The following WDR72 variants were observed in gnomAD, a reference collection of about 807,000 sequenced individuals.
The protein encoded by WDR72 is WD repeat domain 72.
Under a neutral mutation model 124.2 loss-of-function variants are expected in WDR72, and 120 were observed. The ratio of observed to expected loss-of-function variants is 0.97; its 90% confidence interval spans 0.83 to 1.12. The LOEUF (loss-of-function observed/expected upper bound fraction) is 1.12. WDR72 is among the 50% of genes most tolerant of loss of function. The pLI, the probability that WDR72 is intolerant of heterozygous loss-of-function variation, is 0.00. For missense variants in WDR72, 1,387 were observed against 1,278.8 expected, an observed-to-expected ratio of 1.08 and a Z score of -1.29; for synonymous variants, 452 against 441.7, an observed-to-expected ratio of 1.02 and a Z score of -0.29.
At chr15:53,580,314 T>G (rs1205433520) in intron 18 of WDR72, among the ~76,000 whole-genome samples, 1 of 152,074 alleles carries the variant, frequency 6.6e-6, no homozygotes, top group Non-Finnish European at 1.5e-5. Flanking sequence ...ATTAAGCACT[T>G]TCATATCTTC....
At chr15:53,718,826 A>G (rs903312569) in intron 3 of WDR72, among the ~76,000 whole-genome samples, 3 of 139,154 alleles carry the variant, frequency 2.2e-5, no homozygotes, top group African/African-American at 7.9e-5. Context: ...ATTTTTAAAA[A>G]TTTTAAAAAT....
In WDR72 at chr15:53,758,519, A is replaced by G. The variant is rs758752730; in HGVS notation, c.-13+1114T>C. ...AATATTGAAGGAGTTAAAAAAAGACAAAGGAACAAGTGATGTTTACAAAAA... is the reference window on the plus strand; with the variant it reads ...AATATTGAAGGAGTTAAAAAAAGACGAAGGAACAAGTGATGTTTACAAAAA... On this transcript the variant is annotated intron_variant, in intron 1 of 19. Coordinates refer to ENST00000360509, the MANE Select transcript of WDR72 (RefSeq NM_182758.4). Among the ~76,000 whole-genome samples the G allele has an allele frequency of 9.2e-4, 140 of 152,052 alleles. 1 individual carries two copies. Among genetic ancestry groups the G allele is most frequent in the Non-Finnish European group, 1.9e-4 (13 of 68,012 alleles).
intron 19 of WDR72, among the ~76,000 whole-genome samples, chr15:53,521,379 G>A (rs1440278528): frequency 6.6e-6 from 1 of 152,052 alleles, no homozygotes; most frequent in Non-Finnish European, 1.5e-5. Flanking sequence ...ATTCTCAGTG[G>A]AAGGCAGTGA....
At chr15:53,725,176 T>C (rs2017985675) in intron 2 of WDR72, among the ~76,000 whole-genome samples, 1 of 151,978 alleles carries the variant, frequency 6.6e-6, no homozygotes, top group Admixed American at 6.6e-5. Context: ...AAAGAAAACA[T>C]ACAGATGGCA....
chr15:53,709,353 G>T (rs142555670), intron 9 of WDR72, among the ~76,000 whole-genome samples: 1 of 152,270 alleles, frequency 6.6e-6, no homozygotes, highest in East Asian at 1.9e-4. Flanking sequence ...AACATCTATG[G>T]TTGTTTAAAC....
chr15:53,566,695 A>G (rs1894308788), intron 18 of WDR72, among the ~76,000 whole-genome samples: 1 of 151,984 alleles, frequency 6.6e-6, no homozygotes, highest in South Asian at 2.1e-4. Context: ...ACTAAGAGAT[A>G]AGAAGACAGG....
chr15:53,595,766 ATGT>A (rs1274504068), intron 18 of WDR72, among the ~76,000 whole-genome samples: 1 of 152,188 alleles, frequency 6.6e-6, no homozygotes, highest in African/African-American at 2.4e-5. Context: ...TGCTTAAAAT[ATGT>A]AATACAACTA....
intron 18 of WDR72, among the ~76,000 whole-genome samples, chr15:53,579,505 T>C (rs899522457): frequency 2.0e-5 from 3 of 152,110 alleles, no homozygotes; most frequent in African/African-American, 7.2e-5. Context: ...AACATTAATC[T>C]GGACTGGCAA....
chr15:53,554,825 C>T (rs1595757453), intron 18 of WDR72, among the ~76,000 whole-genome samples: 2 of 152,036 alleles, frequency 1.3e-5, no homozygotes, highest in Admixed American at 1.3e-4. Flanking sequence ...TACAAACTCA[C>T]GTAGAATATA....
intron 18 of WDR72, among the ~76,000 whole-genome samples, chr15:53,529,240 G>A (rs1030369591): frequency 2.0e-5 from 3 of 147,848 alleles, no homozygotes; most frequent in African/African-American, 7.5e-5. Context: ...GAGAGGGAAT[G>A]TGTTGTATTG....
chr15:53,601,438 G>A (rs2013041062), intron 17 of WDR72, among the ~76,000 whole-genome samples: 1 of 152,010 alleles, frequency 6.6e-6, no homozygotes, highest in South Asian at 2.1e-4. Flanking sequence ...ACACTGTAAG[G>A]CAACCACATA....
Position 53,745,449 on chromosome 15 carries a change from C to A in WDR72, c.-12-12288G>T, listed in dbSNP as rs554062227. Among the ~76,000 whole-genome samples, 3 of 152,182 alleles carry A rather than the reference C, an allele frequency of 2.0e-5. No homozygotes were observed. In the East Asian group the frequency reaches 5.8e-4, roughly 29 times the overall value. ...TGGAATATTTGGCCATGAAAATATA[C>A]AATTTGTTATTATTACTTCTAAACT... is the stretch of plus-strand genomic sequence containing the variant. On this transcript the variant is annotated intron_variant, in intron 1 of 19. Transcript: ENST00000360509.
At chr15:53,678,476 C>T (rs754092266) in intron 13 of WDR72, among the ~76,000 whole-genome samples, 6 of 152,076 alleles carry the variant, frequency 3.9e-5, no homozygotes, top group Admixed American at 6.5e-5. Context: ...CTTCTTTTCC[C>T]GGAGCATTCT....
chr15:53,753,813 G>A (rs529137824), intron 1 of WDR72, among the ~76,000 whole-genome samples: 1 of 152,106 alleles, frequency 6.6e-6, no homozygotes, highest in Non-Finnish European at 1.5e-5. Context: ...CCTTGTGCTG[G>A]TGGCTTTCCT....
intron 1 of WDR72, among the ~76,000 whole-genome samples, chr15:53,736,405 G>A (rs901367203): frequency 5.3e-5 from 8 of 152,164 alleles, no homozygotes; most frequent in African/African-American, 1.9e-4. Context: ...GGGCTGTCTG[G>A]CACTGGGTAT....
intron 1 of WDR72, among the ~76,000 whole-genome samples, chr15:53,756,209 G>A (rs1486130041): frequency 6.6e-6 from 1 of 152,108 alleles, no homozygotes; most frequent in African/African-American, 2.4e-5. Flanking sequence ...TGCTGTTCTC[G>A]TGATAGTAAG....
chr15:53,615,401 G>A, intron 15 of WDR72, 25 bp downstream of exon 15: 2 of 1,547,920 alleles, frequency 1.3e-6, no homozygotes, highest in Non-Finnish European at 1.8e-6. Context: ...ATCTAGTATA[G>A]TCAAAATCTC....
chr15:53,615,321 C>T, intron 15 of WDR72, 105 bp downstream of exon 15: 1 of 879,160 alleles, frequency 1.1e-6, no homozygotes, highest in Non-Finnish European at 1.7e-6. Context: ...ACTTACCCCC[C>T]ACTGGAAAGA....
intron 14 of WDR72, among the ~76,000 whole-genome samples, chr15:53,635,943 T>C (rs1392956551): frequency 6.6e-6 from 1 of 152,168 alleles, no homozygotes; most frequent in Non-Finnish European, 1.5e-5. Context: ...CCAAGTACCC[T>C]TTATACCATT....
Sources: allele counts gnomAD v4.1 joint callset (sites outside exome capture counted in the v4.1 genomes callset), GRCh38; gene constraint gnomAD v4.1.1; transcripts MANE v1.5; gene names NCBI Gene and HGNC (gene_info 2026-07-23, HGNC 2026-07-21).